Variants in SMPX observed in about 807,000 individuals in gnomAD.
The protein encoded by SMPX is small muscular protein.
Under a neutral mutation model 6.3 loss-of-function variants are expected in SMPX, and 2 were observed. That is an observed-to-expected ratio of 0.32 (90% CI 0.13 to 0.99). The LOEUF is 0.99. SMPX is among the 50% of genes least tolerant of loss of function. The probability of loss-of-function intolerance (pLI) is 0.49; values close to 1 mark genes in which losing one functional copy is unlikely to be tolerated. For missense variants in SMPX, 60 were observed against 66.8 expected (o/e 0.90, Z 0.36); for synonymous variants, 32 against 24.7 (o/e 1.30, Z -0.88).
intron 4 of SMPX, among the ~76,000 whole-genome samples, chrX:21,736,585 A>G (rs1432027155): frequency 8.9e-6 from 1 of 112,040 alleles, no homozygotes; most frequent in Non-Finnish European, 1.9e-5. Flanking sequence ...GTGACGAATA[A>G]ATGTTTCTAG....
intron 1 of SMPX, among the ~76,000 whole-genome samples, chrX:21,754,887 GC>G (rs1320550550): frequency 2.7e-5 from 3 of 112,366 alleles, no homozygotes; most frequent in Non-Finnish European, 5.6e-5. Context: ...TGCTCTGTGT[GC>G]CCCTACCCAA....
chrX:21,715,297 T>TGC (rs2092783235), intron 4 of SMPX, among the ~76,000 whole-genome samples: 1 of 97,428 alleles, frequency 1.0e-5, no homozygotes, highest in African/African-American at 5.0e-5. Context: ...TGTGTGTGTG[T>TGC]GTGTGTGCGC....
chrX:21,730,061 A>G (rs1007283832), intron 4 of SMPX, among the ~76,000 whole-genome samples: 1 of 112,680 alleles, frequency 8.9e-6, no homozygotes, highest in Non-Finnish European at 1.9e-5. Context: ...ATCACAAATC[A>G]AAAGAAATGT....
chrX:21,731,706 A>ACG (rs1358566588), intron 4 of SMPX, among the ~76,000 whole-genome samples: 1 of 102,257 alleles, frequency 9.8e-6, no homozygotes, highest in African/African-American at 3.6e-5. Flanking sequence ...ATAAATGTGT[A>ACG]TATGTGTATA....
rs1370432169 is a variant in SMPX at position 21,737,723 on chromosome X, A to G, written c.133-26T>C. On this transcript the variant is annotated intron_variant, in intron 3 of 4. Transcript: ENST00000379494. The stretch of plus-strand genomic sequence containing the variant: ...CTGAAGAGCAAGGAGAAGAAATCCA[A>G]CTCACCAAAAATCACATTTGATCTC... 4 of 1,203,591 alleles carry G rather than the reference A, an allele frequency of 3.3e-6. No homozygotes were observed. The Admixed American group carries it at 8.7e-5, about 26-fold the overall frequency.
intron 4 of SMPX, among the ~76,000 whole-genome samples, chrX:21,715,306 G>GCT (rs1555971898): frequency 2.1e-5 from 2 of 97,075 alleles, no homozygotes; most frequent in Admixed American, 2.0e-4. Context: ...GTGTGTGTGC[G>GCT]CGCACGCGCG....
At chrX:21,724,770 A>G (rs996530998) in intron 4 of SMPX, among the ~76,000 whole-genome samples, 2 of 111,971 alleles carry the variant, frequency 1.8e-5, no homozygotes, top group Non-Finnish European at 3.8e-5. Context: ...TACAACCCAC[A>G]ATCTTCCACC....
chrX:21,745,726 C>T (rs143354194), intron 2 of SMPX, among the ~76,000 whole-genome samples: 416 of 111,624 alleles, frequency 3.7e-3, no homozygotes, highest in Middle Eastern at 0.018. Context: ...TAAATTGTCC[C>T]TACCCCAACC....
intron 4 of SMPX, among the ~76,000 whole-genome samples, chrX:21,718,802 C>T (rs1197014604): frequency 1.8e-5 from 2 of 111,841 alleles, no homozygotes; most frequent in Non-Finnish European, 3.8e-5. Context: ...CAAAATAGGT[C>T]AGGCGGGGAG....
chrX:21,742,343 T>C (rs1368243360), intron 3 of SMPX, among the ~76,000 whole-genome samples: 1 of 112,254 alleles, frequency 8.9e-6, no homozygotes, highest in African/African-American at 3.2e-5. Context: ...ATTACATCAA[T>C]TGATGAAAAA....
chrX:21,752,533 A>T (rs910173771), intron 2 of SMPX, among the ~76,000 whole-genome samples: 3 of 110,575 alleles, frequency 2.7e-5, no homozygotes, highest in Non-Finnish European at 5.7e-5. Context: ...GTTTTTTTTA[A>T]GACAGAGTCT....
At chrX:21,732,253 A>G (rs2092805826) in intron 4 of SMPX, among the ~76,000 whole-genome samples, 1 of 112,142 alleles carries the variant, frequency 8.9e-6, no homozygotes, top group Non-Finnish European at 1.9e-5. Flanking sequence ...TTTGAAAAAT[A>G]AAGCCAAAGA....
At chrX:21,729,723 A>G (rs1452994648) in intron 4 of SMPX, among the ~76,000 whole-genome samples, 1 of 111,191 alleles carries the variant, frequency 9.0e-6, no homozygotes, top group Admixed American at 9.6e-5. Flanking sequence ...TCTCAAGTCT[A>G]CTCCCTAAAA....
chrX:21,749,916 CTT>C (rs909372717), intron 2 of SMPX, among the ~76,000 whole-genome samples: 1 of 111,798 alleles, frequency 8.9e-6, no homozygotes, highest in Non-Finnish European at 1.9e-5. Flanking sequence ...GCACAGGACT[CTT>C]TTTTGGTCAG....
chrX:21,727,001 A>G (rs1156580969), intron 4 of SMPX, among the ~76,000 whole-genome samples: 1 of 112,225 alleles, frequency 8.9e-6, no homozygotes, highest in Admixed American at 9.4e-5. Context: ...TGCTGCAACC[A>G]CTATGTGCTA....
chrX:21,716,363 T>C (rs2092785145), intron 4 of SMPX, among the ~76,000 whole-genome samples: 1 of 112,304 alleles, frequency 8.9e-6, no homozygotes, highest in Admixed American at 9.4e-5. Flanking sequence ...TCAACAAATG[T>C]TTCCTGAGTG....
chrX:21,707,857 C>G, intron 4 of SMPX, among the ~76,000 whole-genome samples: 1 of 112,288 alleles, frequency 8.9e-6, no homozygotes, highest in Non-Finnish European at 1.9e-5. Context: ...CCCCAGATGA[C>G]CTGCAGACAC....
chrX:21,734,132 T>G (rs1025373690), intron 4 of SMPX, among the ~76,000 whole-genome samples: 1 of 112,333 alleles, frequency 8.9e-6, no homozygotes, highest in African/African-American at 3.2e-5. Context: ...CCATCAAGAC[T>G]TAAGTATCCT....
chrX:21,735,850 T>G lies in SMPX; in HGVS notation c.*14+1699A>C, dbSNP rs186238065. ...GTTCTGAAGTTTCATCCCTACCATA[T>G]TGAAAGATTTCATCTCAACTTGGCA... On this transcript the variant is annotated intron_variant, in intron 4 of 4. Transcript: ENST00000379494. Among the ~76,000 whole-genome samples the G allele has an allele frequency of 1.3e-3, 151 of 111,902 alleles. 1 individual carries two copies. The highest frequency in any genetic ancestry group is 0.011 in the South Asian group (30 of 2,616).
Sources: gnomAD v4.1 joint callset for allele counts (sites outside exome capture counted in the v4.1 genomes callset) on GRCh38, gnomAD v4.1.1 for gene constraint, MANE v1.5 for transcripts, NCBI Gene and HGNC (gene_info 2026-07-23, HGNC 2026-07-21) for gene names.